GASK1A: variants seen among roughly 807,000 people sequenced by gnomAD.
GASK1A encodes the protein golgi associated kinase 1A.
A neutral mutation model predicts 41.2 loss-of-function variants in GASK1A; 40 were observed. That is an observed-to-expected ratio of 0.97 (90% confidence interval 0.75 to 1.27). The LOEUF (loss-of-function observed/expected upper bound fraction) is 1.27. Ranked by LOEUF, GASK1A falls within the 50% of genes most tolerant of loss-of-function variation. The pLI, the probability that GASK1A is intolerant of heterozygous loss-of-function variation, is 0.00. For missense variants in GASK1A, 678 were observed against 745.1 expected, an observed-to-expected ratio of 0.91 and a Z score of 1.05; for synonymous variants, 316 against 307.1, an observed-to-expected ratio of 1.03 and a Z score of -0.30.
At chr3:43,053,698 C>A in intron 3 of GASK1A, 55 bp downstream of exon 3, 3 of 1,543,938 alleles carry the variant, frequency 1.9e-6, no homozygotes, top group Non-Finnish European at 2.6e-6. Context: ...CTTTCTGTGT[C>A]CTTCAGAAGA....
chr3:43,021,835 T>G (rs1207861326), intron 1 of GASK1A, among the ~76,000 whole-genome samples: 1 of 152,182 alleles, frequency 6.6e-6, no homozygotes, highest in Non-Finnish European at 1.5e-5. Context: ...CTGCTCCTTC[T>G]CCGCAACTGT....
At chr3:43,009,001 ATGC>A (rs1483218278) in intron 1 of GASK1A, among the ~76,000 whole-genome samples, 1 of 152,226 alleles carries the variant, frequency 6.6e-6, no homozygotes, top group African/African-American at 2.4e-5. Flanking sequence ...TTTAATGATA[ATGC>A]TAAGTAATAA....
intron 2 of GASK1A, among the ~76,000 whole-genome samples, chr3:43,041,503 T>C (rs2089638018): frequency 6.6e-6 from 1 of 152,268 alleles, no homozygotes; most frequent in African/African-American, 2.4e-5. Flanking sequence ...TCATGTGTTT[T>C]TTGGCTGCAT....
chr3:43,014,877 A>G (rs749382987), intron 1 of GASK1A, among the ~76,000 whole-genome samples: 1 of 150,828 alleles, frequency 6.6e-6, no homozygotes, highest in Non-Finnish European at 1.5e-5. Flanking sequence ...AGGAAGAGGC[A>G]CTGTGAAATC....
chr3:43,025,152 G>A (rs1028697192), intron 1 of GASK1A, among the ~76,000 whole-genome samples: 2 of 152,214 alleles, frequency 1.3e-5, no homozygotes, highest in African/African-American at 4.8e-5. Context: ...TTTGTGGCAA[G>A]TGGCCTGCAG....
intron 1 of GASK1A, among the ~76,000 whole-genome samples, chr3:43,030,420 G>A (rs564386386): frequency 6.8e-4 from 103 of 152,364 alleles, no homozygotes; most frequent in African/African-American, 2.4e-3. Context: ...TGTAGAGTGA[G>A]AATGGGTTTC....
chr3:43,040,009 G>A (rs1171509521), intron 2 of GASK1A, among the ~76,000 whole-genome samples: 1 of 152,116 alleles, frequency 6.6e-6, no homozygotes, highest in Non-Finnish European at 1.5e-5. Context: ...TTGCAGTGCA[G>A]AAAGTTTTAA....
At chr3:43,012,913 G>A (rs975159881) in intron 1 of GASK1A, among the ~76,000 whole-genome samples, 1 of 150,206 alleles carries the variant, frequency 6.7e-6, no homozygotes, top group African/African-American at 2.5e-5. Flanking sequence ...GGGGGGTTGT[G>A]TGAGGCCACA....
chr3:43,013,840 T>G (rs1575441422), intron 1 of GASK1A, among the ~76,000 whole-genome samples: 1 of 138,742 alleles, frequency 7.2e-6, no homozygotes, highest in African/African-American at 2.7e-5. Context: ...TCAGAGGAAG[T>G]GGCAGTGTGA....
chr3:42,980,014 A>G (rs1378304405), intron 1 of GASK1A, among the ~76,000 whole-genome samples: 8 of 152,188 alleles, frequency 5.3e-5, no homozygotes, highest in Admixed American at 2.0e-4. Flanking sequence ...TTTTGAAGTC[A>G]TTTTAATACT....
chr3:42,987,116 G>A (rs980310852), intron 1 of GASK1A, among the ~76,000 whole-genome samples: 3 of 152,210 alleles, frequency 2.0e-5, no homozygotes, highest in African/African-American at 2.4e-5. Flanking sequence ...TTACTTCTGC[G>A]CAGAGGGGTG....
At chr3:43,015,522 G>A (rs1367570682) in intron 1 of GASK1A, among the ~76,000 whole-genome samples, 1 of 150,216 alleles carries the variant, frequency 6.7e-6, no homozygotes, top group African/African-American at 2.5e-5. Context: ...CCATAGGAAG[G>A]TACAGTGTGA....
chr3:43,032,615 G>T lies in GASK1A; in HGVS notation c.352G>T (p.Val118Leu), dbSNP rs1193390542. The T allele has an allele frequency of 6.4e-7, 1 of 1,551,714 alleles. No individual in the cohort carries two copies. The change falls in exon 2 of 5, where the codon GTG becomes TTG. Residue 118 changes from valine (V) to leucine (L), a missense_variant. Coordinates refer to ENST00000430121, the MANE Select transcript of GASK1A (RefSeq NM_001129908.3). ...AGGGGACCTCAGGCATCCAGGGAGG[G>T]TGAGGAGGGACATTACTTTGTCAGG... ...PGGDLRHPGR[V>L]RRDITLSGHP...
chr3:42,981,558 G>C (rs1479943652), intron 1 of GASK1A, among the ~76,000 whole-genome samples: 1 of 152,126 alleles, frequency 6.6e-6, no homozygotes, highest in Non-Finnish European at 1.5e-5. Context: ...GGGAAGAAGT[G>C]GTTCTCAGCC....
At chr3:43,043,344 A>G (rs1168074826) in intron 2 of GASK1A, among the ~76,000 whole-genome samples, 1 of 151,996 alleles carries the variant, frequency 6.6e-6, no homozygotes, top group Non-Finnish European at 1.5e-5. Flanking sequence ...GGACCTTCCC[A>G]CCCCCACAGC....
At chr3:42,988,401 T>G (rs569681684) in intron 1 of GASK1A, among the ~76,000 whole-genome samples, 1 of 152,316 alleles carries the variant, frequency 6.6e-6, no homozygotes, top group Non-Finnish European at 1.5e-5. Flanking sequence ...AGCAGGTTCA[T>G]GGTTCTATAA....
intron 1 of GASK1A, among the ~76,000 whole-genome samples, chr3:43,002,701 A>G (rs2032006482): frequency 6.6e-6 from 1 of 152,216 alleles, no homozygotes; most frequent in East Asian, 1.9e-4. Context: ...TTGAACTGAT[A>G]ATATTTTTTA....
intron 2 of GASK1A, among the ~76,000 whole-genome samples, chr3:43,051,080 T>C (rs1259513084): frequency 6.6e-6 from 1 of 152,236 alleles, no homozygotes; most frequent in Non-Finnish European, 1.5e-5. Flanking sequence ...GACTGTCTCA[T>C]ATTTTTTTGT....
At chr3:43,028,788 C>G (rs1213705689) in intron 1 of GASK1A, among the ~76,000 whole-genome samples, 1 of 152,214 alleles carries the variant, frequency 6.6e-6, no homozygotes, top group Non-Finnish European at 1.5e-5. Context: ...TCTCCCTGCC[C>G]TGTGGCCCTG....
Sources: allele counts gnomAD v4.1 joint callset (sites outside exome capture counted in the v4.1 genomes callset), GRCh38; gene constraint gnomAD v4.1.1; transcripts MANE v1.5; gene names NCBI Gene and HGNC (gene_info 2026-07-23, HGNC 2026-07-21).